SOX5: variants seen among roughly 807,000 people sequenced by gnomAD.
SOX5 encodes the protein SRY-box transcription factor 5.
Under a neutral mutation model 92.0 loss-of-function variants are expected in SOX5, and 9 were observed. That is an observed-to-expected ratio of 0.10 (90% CI 0.06 to 0.17). SOX5 has a LOEUF of 0.17. Ranked by LOEUF, SOX5 falls within the 10% of genes least tolerant of loss-of-function variation. SOX5 has a pLI of 1.00. For missense variants in SOX5, 642 were observed against 944.5 expected (o/e 0.68, Z 4.20); for synonymous variants, 344 against 336.3 (o/e 1.02, Z -0.25).
At chr12:24,239,881 C>T (rs552277209) in intron 3 of SOX5, among the ~76,000 whole-genome samples, 3 of 152,152 alleles carry the variant, frequency 2.0e-5, no homozygotes, top group Non-Finnish European at 4.4e-5. Context: ...TCTTTGAAGC[C>T]GATGTCCCAA....
At chr12:24,405,730 A>G (rs541759099) in intron 1 of SOX5, among the ~76,000 whole-genome samples, 6 of 152,160 alleles carry the variant, frequency 3.9e-5, no homozygotes, top group Non-Finnish European at 8.8e-5. Flanking sequence ...GATTCAACTG[A>G]GGTACCTTCC....
chr12:24,111,833 A>C (rs1333375486), intron 4 of SOX5, among the ~76,000 whole-genome samples: 15 of 152,132 alleles, frequency 9.9e-5, no homozygotes, highest in Admixed American at 9.8e-4. Flanking sequence ...ATTACTCATA[A>C]ATTATTTTTC....
At chr12:23,803,668 A>G (rs1449227553) in intron 3 of SOX5, among the ~76,000 whole-genome samples, 1 of 152,256 alleles carries the variant, frequency 6.6e-6, no homozygotes, top group African/African-American at 2.4e-5. Flanking sequence ...TTTATAGTCT[A>G]GTGAAGAAAG....
At chr12:24,296,177 A>G (rs1947224415) in intron 2 of SOX5, among the ~76,000 whole-genome samples, 1 of 152,252 alleles carries the variant, frequency 6.6e-6, no homozygotes, top group South Asian at 2.1e-4. Flanking sequence ...TAGTTTCTGC[A>G]TTAGCAGAAG....
intron 4 of SOX5, among the ~76,000 whole-genome samples, chr12:24,042,637 G>A (rs1281870741): frequency 2.0e-5 from 3 of 152,076 alleles, no homozygotes; most frequent in Non-Finnish European, 4.4e-5. Flanking sequence ...CAGCAGCAAT[G>A]AATTCCACAG....
intron 4 of SOX5, among the ~76,000 whole-genome samples, chr12:24,048,874 A>C (rs942271117): frequency 6.6e-6 from 1 of 152,182 alleles, no homozygotes; most frequent in Non-Finnish European, 1.5e-5. Context: ...AGGAAAAATA[A>C]GGAGTGACTG....
At chr12:23,931,228 A>T (rs1941328200) in intron 1 of SOX5, among the ~76,000 whole-genome samples, 1 of 151,818 alleles carries the variant, frequency 6.6e-6, no homozygotes, top group Non-Finnish European at 1.5e-5. Flanking sequence ...CATCATCAAG[A>T]ATATTAATAG....
chr12:23,623,551 C>T (rs2077423491), intron 8 of SOX5, among the ~76,000 whole-genome samples: 1 of 152,018 alleles, frequency 6.6e-6, no homozygotes, highest in African/African-American at 2.4e-5. Context: ...ATCCCTCTTT[C>T]ATTCAAGAAA....
At chr12:23,674,861 G>T (rs953430437) in intron 6 of SOX5, among the ~76,000 whole-genome samples, 1 of 151,666 alleles carries the variant, frequency 6.6e-6, no homozygotes, top group South Asian at 2.1e-4. Flanking sequence ...TCTGAAAATT[G>T]AGCAGAAAAA....
At chr12:24,198,787 A>C (rs930300521) in intron 4 of SOX5, among the ~76,000 whole-genome samples, 3 of 152,236 alleles carry the variant, frequency 2.0e-5, no homozygotes, top group African/African-American at 7.2e-5. Flanking sequence ...GTGACCTTAC[A>C]TGCTAGTATG....
At chr12:24,342,377 C>T (rs1280698542) in intron 2 of SOX5, among the ~76,000 whole-genome samples, 1 of 152,142 alleles carries the variant, frequency 6.6e-6, no homozygotes, top group Non-Finnish European at 1.5e-5. Context: ...AACTAATATA[C>T]CTTCATTATC....
chr12:24,249,293 G>A (rs1301641023), intron 3 of SOX5, among the ~76,000 whole-genome samples: 2 of 152,158 alleles, frequency 1.3e-5, no homozygotes, highest in Non-Finnish European at 2.9e-5. Flanking sequence ...ACTGGTTCTA[G>A]TCTTTAATTT....
At chr12:24,520,511 A>AC (rs1950176924) in intron 1 of SOX5, among the ~76,000 whole-genome samples, 1 of 152,006 alleles carries the variant, frequency 6.6e-6, no homozygotes, top group Non-Finnish European at 1.5e-5. Context: ...AGTAAAAAAA[A>AC]ACAAAGCAAA....
chr12:24,251,407 C>T (rs925897682), intron 3 of SOX5, among the ~76,000 whole-genome samples: 7 of 152,090 alleles, frequency 4.6e-5, no homozygotes, highest in Non-Finnish European at 1.0e-4. Flanking sequence ...TTCTTGAATT[C>T]CCAAAATGAA....
chr12:23,939,902 A>T (rs1241480267), intron 1 of SOX5, among the ~76,000 whole-genome samples: 4 of 150,920 alleles, frequency 2.7e-5, no homozygotes, highest in Middle Eastern at 6.3e-3. Context: ...TTTGAGAAAC[A>T]CTCAAAATTT....
chr12:24,553,975 T>C (rs973052419), intron 1 of SOX5, among the ~76,000 whole-genome samples: 7 of 151,796 alleles, frequency 4.6e-5, no homozygotes, highest in South Asian at 2.1e-4. Context: ...AGGCTGAGAG[T>C]GAAGTAAGAA....
rs533957622 is a variant in SOX5, at chr12:24,324,901, A to T, written c.-174+43662T>A. Among the ~76,000 whole-genome samples, 16 of 152,222 alleles carry T rather than the reference A, an allele frequency of 1.1e-4. No homozygotes were observed. The East Asian group carries it at 1.9e-3, about 18-fold the overall frequency. On this transcript the variant is annotated intron_variant, in intron 2 of 4. Transcript: ENST00000446891. ...CCTTTTAGACCTAGAAAACTTACTG[A>T]ATCTTTTTAAGTTTCATATTTCTCA...
Position 23,734,702 on chromosome 12 carries a change from C to A in SOX5, c.792G>T (p.Leu264Phe). 6.2e-7 allele frequency: 1 copy of A among 1,612,464 alleles called. No individual in the cohort carries two copies. The highest frequency in any genetic ancestry group is 8.5e-7 in the Non-Finnish European group (1 of 1,179,006). The change falls in exon 6 of 15, where the codon TTG (leucine) becomes TTT (phenylalanine). Residue 264 changes from leucine (L) to phenylalanine (F), a missense_variant. Leu to Phe is a conservative substitution (Grantham distance 22). Coordinates refer to ENST00000451604, the MANE Select transcript of SOX5 (RefSeq NM_006940.6). ...QLLQQQHKINLLQQQIQVQGQ... is the reference protein window; with the variant it reads ...QLLQQQHKINFLQQQIQVQGQ... ...TTCTGACCTGGATCTGTTGCTGGAG[C>A]AAATTGATTTTGTGTTGTTGCTGTA... is the stretch of plus-strand genomic sequence containing the variant.
chr12:23,699,106 GAGTT>G (rs2090278462), intron 6 of SOX5, among the ~76,000 whole-genome samples: 1 of 152,172 alleles, frequency 6.6e-6, no homozygotes, highest in African/African-American at 2.4e-5. Context: ...TAGTGAAAAA[GAGTT>G]AGTTTTTCTC....
Sources: allele counts gnomAD v4.1 joint callset (sites outside exome capture counted in the v4.1 genomes callset), GRCh38; gene constraint gnomAD v4.1.1; transcripts MANE v1.5; gene names NCBI Gene and HGNC (gene_info 2026-07-23, HGNC 2026-07-21).